NEBL: variants seen among roughly 807,000 people sequenced by gnomAD.
The protein encoded by NEBL is nebulette.
In NEBL, 122 loss-of-function variants were observed where a neutral mutation model predicts 140.2. That is an observed-to-expected ratio of 0.87 (90% CI 0.75 to 1.01). The LOEUF (loss-of-function observed/expected upper bound fraction) is 1.01, where lower values mean the gene tolerates loss of function less well. Among genes scored for constraint, NEBL ranks in the 50% least tolerant of loss-of-function variants. NEBL has a pLI of 0.00. For synonymous variants in NEBL, 436 were observed against 398.9 expected, an observed-to-expected ratio of 1.09 and a Z score of -1.11; for missense variants, 1,365 against 1,231.3, an observed-to-expected ratio of 1.11 and a Z score of -1.62.
At chr10:20,954,292 TA>T (rs530813031) in intron 4 of NEBL, among the ~76,000 whole-genome samples, 10 of 152,272 alleles carry the variant, frequency 6.6e-5, no homozygotes, top group Admixed American at 3.3e-4. Context: ...CTCATCAAAG[TA>T]AAAAATAAAA....
intron 26 of NEBL, among the ~76,000 whole-genome samples, chr10:20,794,465 A>G (rs1223335842): frequency 6.6e-6 from 1 of 152,250 alleles, no homozygotes; most frequent in Non-Finnish European, 1.5e-5. Flanking sequence ...TGATAAAACA[A>G]TTATCGCCAT....
In NEBL at chr10:20,819,459, C is replaced by G; in HGVS notation, c.2020G>C (p.Glu674Gln). 6.2e-7 allele frequency: 1 copy of G among 1,614,130 alleles called. No individual in the cohort carries two copies. Among genetic ancestry groups the G allele is most frequent in the Non-Finnish European group, 8.5e-7 (1 of 1,179,990 alleles). The change falls in exon 20 of 28, where the codon GAG (glutamate) becomes CAG (glutamine). Residue 674 changes from glutamate to glutamine, a missense_variant. Physicochemically the swap from Glu to Gln is conservative, Grantham distance 29 (BLOSUM62 2). Around this residue, in one of 2 missense-constraint regions of NEBL, gnomAD observed 1,323 missense variants for 1,154.8 expected, o/e 1.15. Transcript: ENST00000377122. ...TGCTCCTGGTTTCGCCTCACTCTCT[C>G]TATCTCCGGGGTCATGCTTACCGGA... is the stretch of plus-strand genomic sequence containing the variant. The part of the protein sequence containing the change: ...ATPVSMTPEI[E>Q]RVRRNQEQLS...
At chr10:20,839,269 C>T (rs1357891722) in intron 13 of NEBL, among the ~76,000 whole-genome samples, 2 of 152,196 alleles carry the variant, frequency 1.3e-5, no homozygotes, top group African/African-American at 2.4e-5. Flanking sequence ...TTTACACATG[C>T]TACTGACAAG....
At chr10:20,889,136 T>C (rs1356051366) in intron 3 of NEBL, among the ~76,000 whole-genome samples, 2 of 152,226 alleles carry the variant, frequency 1.3e-5, no homozygotes, top group African/African-American at 4.8e-5. Context: ...AGGTCAGTCA[T>C]TTACAACACT....
intron 4 of NEBL, among the ~76,000 whole-genome samples, chr10:20,885,163 G>A (rs546535873): frequency 6.6e-6 from 1 of 152,282 alleles, no homozygotes; most frequent in Admixed American, 6.5e-5. Flanking sequence ...CTCCGAGTTA[G>A]GACATCACAA....
intron 3 of NEBL, among the ~76,000 whole-genome samples, chr10:21,015,294 C>T (rs1332644757): frequency 1.3e-5 from 2 of 152,156 alleles, no homozygotes; most frequent in African/African-American, 2.4e-5. Context: ...ATCACGGTAG[C>T]TCCATGTTGT....
intron 1 of NEBL, among the ~76,000 whole-genome samples, chr10:21,269,107 G>C (rs1842831956): frequency 6.6e-6 from 1 of 152,160 alleles, no homozygotes; most frequent in Non-Finnish European, 1.5e-5. Flanking sequence ...TTCCTGCTGG[G>C]CACAACAGAG....
chr10:20,830,406 T>C (rs1264569454), intron 16 of NEBL, among the ~76,000 whole-genome samples: 1 of 152,212 alleles, frequency 6.6e-6, no homozygotes, highest in Non-Finnish European at 1.5e-5. Flanking sequence ...TGCTAATGAA[T>C]GTTTTTGCCC....
chr10:20,924,020 A>G (rs1269999465), intron 4 of NEBL, among the ~76,000 whole-genome samples: 1 of 152,132 alleles, frequency 6.6e-6, no homozygotes, highest in African/African-American at 2.4e-5. Flanking sequence ...TGGGCCCCAC[A>G]TCTAGGTCCC....
intron 3 of NEBL, among the ~76,000 whole-genome samples, chr10:20,968,267 G>A (rs1195348409): frequency 6.6e-6 from 1 of 152,034 alleles, no homozygotes; most frequent in Non-Finnish European, 1.5e-5. Flanking sequence ...GACTTTGGGA[G>A]GCTGAGGCAG....
chr10:21,178,209 T>C (rs980054610), upstream of NEBL, among the ~76,000 whole-genome samples: 2 of 152,086 alleles, frequency 1.3e-5, no homozygotes, highest in Non-Finnish European at 2.9e-5. Flanking sequence ...AATACAAACA[T>C]TAGGGGAAAT....
Position 21,173,996 on chromosome 10 carries a change from A to G in NEBL, c.-163T>C. 1 of 1,211,470 alleles carries G rather than the reference A, an allele frequency of 8.3e-7. No homozygotes were observed. The highest frequency in any genetic ancestry group is 1.0e-6 in the Non-Finnish European group (1 of 978,492). 75.0% of individuals were successfully genotyped at this position (1,211,470 alleles called of 1,614,324 possible). A position where few individuals can be genotyped will look rare whatever the true frequency, so the allele number is the denominator to read the frequency against. On this transcript the variant is annotated 5_prime_UTR_variant, in exon 1 of 7. Transcript: ENST00000417816. This position sits in a 1 kb window ranked among gnomAD's most constrained non-coding sequence, Gnocchi z 5.7. ...CCGGGCCACGGGTGAGTGCACGGGG[A>G]GGGCGACGGGGCCTGGCGCCTGGGG...
chr10:20,911,707 G>A (rs911220338), intron 4 of NEBL, among the ~76,000 whole-genome samples: 3 of 152,276 alleles, frequency 2.0e-5, no homozygotes, highest in South Asian at 2.1e-4. Context: ...GAAATCATCA[G>A]TGATGTAGCT....
intron 24 of NEBL, among the ~76,000 whole-genome samples, chr10:20,811,655 C>G (rs962810356): frequency 1.3e-5 from 2 of 152,130 alleles, no homozygotes; most frequent in African/African-American, 4.8e-5. Context: ...ACTTTAGCAC[C>G]CTGGTTTTGT....
chr10:21,069,912 T>A (rs575733154), intron 2 of NEBL: 9 of 432,094 alleles, frequency 2.1e-5, no homozygotes, highest in South Asian at 1.5e-4. Context: ...AATTTTCCCC[T>A]GATAGCGCAA....
upstream of NEBL, among the ~76,000 whole-genome samples, chr10:21,175,983 A>G (rs1048590985): frequency 3.2e-4 from 49 of 151,986 alleles, no homozygotes; most frequent in Middle Eastern, 0.01. Flanking sequence ...ACTTTAAGTT[A>G]TGTTTAATCT....
chr10:20,866,370 A>G (rs1844292808), intron 7 of NEBL, among the ~76,000 whole-genome samples: 1 of 152,122 alleles, frequency 6.6e-6, no homozygotes, highest in Admixed American at 6.6e-5. Context: ...CAGATGGTAA[A>G]TTTTATGTTA....
intron 2 of NEBL, among the ~76,000 whole-genome samples, chr10:21,038,831 G>A (rs902897508): frequency 1.3e-5 from 2 of 152,318 alleles, no homozygotes; most frequent in South Asian, 4.1e-4. Flanking sequence ...CCCACCAACA[G>A]TGTAAAAGCA....
At chr10:20,890,157 A>C (rs1383512552) in intron 2 of NEBL, among the ~76,000 whole-genome samples, 2 of 152,162 alleles carry the variant, frequency 1.3e-5, no homozygotes, top group Admixed American at 1.3e-4. Flanking sequence ...ACCATTCTTT[A>C]GATAAGCGAG....
Sources: allele counts gnomAD v4.1 joint callset (sites outside exome capture counted in the v4.1 genomes callset), GRCh38; gene constraint gnomAD v4.1.1; regional missense constraint gnomAD v4.1.1; non-coding constraint Gnocchi (gnomAD v3.1); transcripts MANE v1.5; gene names NCBI Gene and HGNC (gene_info 2026-07-23, HGNC 2026-07-21).